Variants in GALR1 observed in about 807,000 individuals in gnomAD.
GALR1 encodes galanin receptor type 1.
In GALR1, 11 loss-of-function variants were observed where a neutral mutation model predicts 17.9. The ratio of observed to expected loss-of-function variants is 0.62; its 90% CI spans 0.39 to 1.02. The LOEUF (loss-of-function observed/expected upper bound fraction) is 1.02, where lower values mean the gene tolerates loss of function less well. Ranked by LOEUF, GALR1 falls within the 50% of genes least tolerant of loss-of-function variation. GALR1 has a pLI of 0.01. For missense variants in GALR1, 441 were observed against 456.9 expected (o/e 0.97, Z 0.32); for synonymous variants, 206 against 205.7 (o/e 1.00, Z -0.01).
At chr18:77,267,286 C>T (rs1182613360) in intron 2 of GALR1, among the ~76,000 whole-genome samples, 1 of 152,160 alleles carries the variant, frequency 6.6e-6, no homozygotes, top group African/African-American at 2.4e-5. Context: ...CTTTTGATGA[C>T]CAGAATTTTC....
At position 77,250,422 on chromosome 18, in the gene GALR1, GGA is replaced by G; in HGVS notation, c.-126_-125del. The G allele has an allele frequency of 9.8e-7, 1 of 1,018,782 alleles. No individual in the cohort carries two copies. The highest frequency in any genetic ancestry group is 1.3e-6 in the Non-Finnish European group (1 of 754,454). The allele number at this position is 1,018,782 out of a possible 1,614,324, so 63.1% of individuals were successfully genotyped here. ...CGCTCCCGCTGGCTCGCGCCTCGGGGGAAGCTCAGACTCCTAAACTCGCACTC... is the reference window on the plus strand; with the variant it reads ...CGCTCCCGCTGGCTCGCGCCTCGGGGAGCTCAGACTCCTAAACTCGCACTC... On this transcript the variant is annotated 5_prime_UTR_variant, in exon 1 of 3. Coordinates refer to ENST00000299727, the MANE Select transcript of GALR1 (RefSeq NM_001480.4).
intron 1 of GALR1, among the ~76,000 whole-genome samples, chr18:77,252,464 AAAGTGTTTACTAT>A (rs1317978594): frequency 3.9e-5 from 6 of 152,248 alleles, no homozygotes; most frequent in Non-Finnish European, 8.8e-5. Flanking sequence ...TTTATCAACA[AAAGTGTTTACTAT>A]AAGCCACCTG....
In GALR1 at chr18:77,276,030, A is replaced by G. The variant is rs1392736790; in HGVS notation, c.*7128A>G. 1.4e-5 allele frequency: 2 copies of G among 142,336 alleles called. No homozygotes were observed. The highest frequency in any genetic ancestry group is 3.1e-5 in the Non-Finnish European group (2 of 64,012). 8.8% of individuals were successfully genotyped at this position (142,336 alleles called of 1,614,324 possible). On this transcript the variant is annotated 3_prime_UTR_variant, in exon 3 of 3. Transcript: ENST00000299727. Reference sequence around the variant, plus strand: ...ATAAAGAATCAAACTTAGTCATTCCATTGAAGTGAAATTGGATTATAATTT... The same window carrying G: ...ATAAAGAATCAAACTTAGTCATTCCGTTGAAGTGAAATTGGATTATAATTT...
chr18:77,252,716 C>T (rs185237078), intron 1 of GALR1, among the ~76,000 whole-genome samples: 16 of 151,820 alleles, frequency 1.1e-4, no homozygotes, highest in South Asian at 8.3e-4. Context: ...GGTGTGGTGG[C>T]GGGCCCCTGT....
At chr18:77,260,182 C>T (rs74494415) in intron 2 of GALR1, among the ~76,000 whole-genome samples, 7,105 of 152,198 alleles carry the variant, frequency 0.047, 241 homozygotes, top group Admixed American at 0.092. Flanking sequence ...AGCTTGGAAG[C>T]CTGAAATCAA....
At chr18:77,253,503 ATCT>A (rs540537668) in intron 1 of GALR1, among the ~76,000 whole-genome samples, 1 of 152,244 alleles carries the variant, frequency 6.6e-6, no homozygotes, top group Non-Finnish European at 1.5e-5. Flanking sequence ...AAGAGCTAAA[ATCT>A]TCTTACTGGA....
chr18:77,252,980 TCAC>T (rs1912494442), intron 1 of GALR1, among the ~76,000 whole-genome samples: 6 of 23,016 alleles, frequency 2.6e-4, no homozygotes, highest in East Asian at 1.4e-3. Flanking sequence ...ATCACCACCA[TCAC>T]CACCATCACC....
chr18:77,258,501 G>C (rs1256831865), intron 2 of GALR1, among the ~76,000 whole-genome samples: 1 of 147,274 alleles, frequency 6.8e-6, no homozygotes, highest in Admixed American at 6.7e-5. Flanking sequence ...GGTGGTAGTG[G>C]TGGTGATGAT....
rs958129250 is a variant in GALR1, at chr18:77,275,478, G to A, written c.*6576G>A. 1 of 152,222 alleles carries A rather than the reference G, an allele frequency of 6.6e-6. No individual in the cohort carries two copies. The highest frequency in any genetic ancestry group is 2.4e-5 in the African/African-American group (1 of 41,434). 9.4% of individuals were successfully genotyped at this position (152,222 alleles called of 1,614,324 possible). A position where few individuals can be genotyped will look rare whatever the true frequency, so the allele number is the denominator to read the frequency against. ...TGTGTGAAGGTCAAATATAGGTGGG[G>A]ACTTGGCAGCACACAACTCTGAGTG... On this transcript the variant is annotated 3_prime_UTR_variant, in exon 3 of 3. Coordinates refer to ENST00000299727, the MANE Select transcript of GALR1 (RefSeq NM_001480.4).
At chr18:77,266,518 C>G (rs1912946310) in intron 2 of GALR1, among the ~76,000 whole-genome samples, 1 of 152,182 alleles carries the variant, frequency 6.6e-6, no homozygotes, top group Non-Finnish European at 1.5e-5. Flanking sequence ...CAGCAGTGCC[C>G]CACTCTCTGC....
chr18:77,268,542 GCCTCCT>G (rs71876994), intron 2 of GALR1, 37 bp from the exon 3 acceptor site: 73 of 1,329,706 alleles, frequency 5.5e-5, no homozygotes, highest in South Asian at 1.9e-4. Flanking sequence ...CTCCCTTACC[GCCTCCT>G]CCTCCTCCTC....
rs1052364312 is a variant in GALR1 at position 77,250,082 on chromosome 18, G to T, written c.-467G>T. On this transcript the variant is annotated 5_prime_UTR_variant, in exon 1 of 3. Coordinates refer to ENST00000299727, the MANE Select transcript of GALR1 (RefSeq NM_001480.4). ...GCTGCGCGCTGGGCAGTGCGGGGAA[G>T]CGCCGCGGGAAGGAGCGGCTCCGAG... Among the ~76,000 whole-genome samples, 34 of 152,286 alleles carry T rather than the reference G, an allele frequency of 2.2e-4. No individual in the cohort carries two copies. Among genetic ancestry groups the T allele is most frequent in the African/African-American group, 7.9e-4 (33 of 41,578 alleles).
At chr18:77,261,883 G>T (rs934047745) in intron 2 of GALR1, among the ~76,000 whole-genome samples, 2 of 152,132 alleles carry the variant, frequency 1.3e-5, no homozygotes, top group African/African-American at 2.4e-5. Context: ...GGGTGCAGTG[G>T]TGTGATCATA....
chr18:77,273,955 T>C lies in GALR1; in HGVS notation c.*5053T>C, dbSNP rs1255128385. 6.6e-6 allele frequency: 1 copy of C among 152,182 alleles called. No individual in the cohort carries two copies. Among genetic ancestry groups the C allele is most frequent in the Non-Finnish European group, 1.5e-5 (1 of 68,034 alleles). 9.4% of individuals were successfully genotyped at this position (152,182 alleles called of 1,614,324 possible). ...GGAATGGACTGGAACTGAGCTCCAC[T>C]GTTTAAATTTTTGACTCTCAGGTAG... On this transcript the variant is annotated 3_prime_UTR_variant, in exon 3 of 3. Coordinates refer to ENST00000299727, the MANE Select transcript of GALR1 (RefSeq NM_001480.4).
At chr18:77,266,935 C>T (rs181692503) in intron 2 of GALR1, among the ~76,000 whole-genome samples, 296 of 152,320 alleles carry the variant, frequency 1.9e-3, no homozygotes, top group Non-Finnish European at 3.1e-3. Context: ...TGCCAGCTCA[C>T]GCTCTGATGC....
chr18:77,267,714 G>A (rs981189101), intron 2 of GALR1, among the ~76,000 whole-genome samples: 12 of 152,220 alleles, frequency 7.9e-5, no homozygotes, highest in Non-Finnish European at 1.5e-5. Flanking sequence ...CAAAGACAGA[G>A]TTTTCAATTA....
At chr18:77,261,795 A>G (rs1912834999) in intron 2 of GALR1, among the ~76,000 whole-genome samples, 1 of 152,160 alleles carries the variant, frequency 6.6e-6, no homozygotes, top group Non-Finnish European at 1.5e-5. Flanking sequence ...GTAATTCATC[A>G]GTGGTTCTCC....
Position 77,251,211 on chromosome 18 carries a change from C to G in GALR1, c.663C>G (p.Ala221=). The change falls in exon 1 of 3, where the codon GCC becomes GCG. Residue 221 remains alanine (A), a synonymous_variant. Transcript: ENST00000299727. ...LPLLLICFCY[A]KVLNHLHKKL... ...TCCTGCTCATCTGCTTCTGCTATGC[C>G]AAGGTGCACGCCGGTCGCGGGGCCG... 1 of 1,602,664 alleles carries G rather than the reference C, an allele frequency of 6.2e-7. No individual in the cohort carries two copies. Among genetic ancestry groups the G allele is most frequent in the South Asian group, 1.1e-5 (1 of 90,728 alleles).
chr18:77,250,886 A>G lies in GALR1; in HGVS notation c.338A>G (p.Tyr113Cys). The change falls in exon 1 of 3, where the codon TAC becomes TGC. Residue 113 changes from tyrosine to cysteine, a missense_variant. Coordinates refer to ENST00000299727, the MANE Select transcript of GALR1 (RefSeq NM_001480.4). ...GCCTTCATCTGCAAGTTCATCCACT[A>G]CTTCTTCACCGTGTCCATGCTGGTG... ...LGAFICKFIH[Y>C]FFTVSMLVSI... The G allele has an allele frequency of 1.2e-6, 2 of 1,609,110 alleles. No individual in the cohort carries two copies. Among genetic ancestry groups the G allele is most frequent in the African/African-American group, 1.3e-5 (1 of 74,990 alleles).
Sources: gnomAD v4.1 joint callset for allele counts (sites outside exome capture counted in the v4.1 genomes callset) on GRCh38, gnomAD v4.1.1 for gene constraint, MANE v1.5 for transcripts, NCBI Gene and HGNC (gene_info 2026-07-23, HGNC 2026-07-21) for gene names.